The following RIMKLA variants were observed in gnomAD, a reference collection of about 807,000 sequenced individuals.
The protein encoded by RIMKLA is ribosomal modification protein rimK like family member A.
In RIMKLA, 14 loss-of-function variants were observed where a neutral mutation model predicts 32.7. That is an observed-to-expected ratio of 0.43 (90% CI 0.28 to 0.67). RIMKLA has a LOEUF of 0.67. Ranked by LOEUF, RIMKLA falls within the 30% of genes least tolerant of loss-of-function variation. The pLI is 0.18. For missense variants in RIMKLA, 410 were observed against 519.0 expected (o/e 0.79, Z 2.04); for synonymous variants, 176 against 204.1 (o/e 0.86, Z 1.18).
At chr1:42,385,844 CTCTTTCTT>C (rs1162584737) in intron 1 of RIMKLA, among the ~76,000 whole-genome samples, 4,927 of 56,842 alleles carry the variant, frequency 0.087, 624 homozygotes, top group Admixed American at 0.16. Flanking sequence ...TTCTTTCTTT[CTCTTTCTT>C]TCTTTCTTTC....
intron 4 of RIMKLA, among the ~76,000 whole-genome samples, chr1:42,411,457 TTTTTC>T (rs1190057563): frequency 3.6e-5 from 5 of 140,628 alleles, no homozygotes; most frequent in East Asian, 2.0e-4. Flanking sequence ...ATTTTCTTTT[TTTTTC>T]TTTTCTTTTC....
In RIMKLA at chr1:42,399,603, T is replaced by A; in HGVS notation, c.363T>A (p.His121Gln). ...KFWTFQELAG[H>Q]GVPMPDTFSY... is the part of the protein sequence containing the mutation. Reference sequence around the variant, plus strand: ...GGACGTTCCAAGAACTGGCTGGACATGGGGTCCCCATGCCAGACACCTTCT... The same window carrying A: ...GGACGTTCCAAGAACTGGCTGGACAAGGGGTCCCCATGCCAGACACCTTCT... The change falls in exon 2 of 5, where the codon CAT becomes CAA. Residue 121 changes from histidine to glutamine, a missense_variant. Physicochemically the swap from His to Gln is conservative, Grantham distance 24. Transcript: ENST00000431473. 4 of 1,611,250 alleles carry A rather than the reference T, an allele frequency of 2.5e-6. No individual in the cohort carries two copies. The highest frequency in any genetic ancestry group is 3.4e-6 in the Non-Finnish European group (4 of 1,178,786).
At chr1:42,386,266 A>C (rs1256288919) in intron 1 of RIMKLA, among the ~76,000 whole-genome samples, 1 of 151,590 alleles carries the variant, frequency 6.6e-6, no homozygotes, top group African/African-American at 2.4e-5. Context: ...CTACCAGAAC[A>C]CTTCCACCAA....
rs77339968 is a variant in RIMKLA, at chr1:42,423,448, T to C, written c.*8474T>C. Among the ~76,000 whole-genome samples the C allele has an allele frequency of 4.8e-3, 730 of 152,306 alleles. 7 individuals are homozygous for C. Among genetic ancestry groups the C allele is most frequent in the African/African-American group, 0.015 (605 of 41,568 alleles). On this transcript the variant is annotated 3_prime_UTR_variant, in exon 5 of 5. Coordinates refer to ENST00000431473, the MANE Select transcript of RIMKLA (RefSeq NM_173642.4). The stretch of plus-strand genomic sequence containing the variant: ...ATCTAATTCCCAGTCCGTATTCAAA[T>C]TCCCCCATTGTCTCAAAGAGAACTG...
intron 1 of RIMKLA, 124 bp from the exon 2 acceptor site, chr1:42,399,280 C>T (rs1643074406): frequency 1.5e-6 from 1 of 673,040 alleles, no homozygotes. Flanking sequence ...ACCAGGATGT[C>T]CAGGGGGCCA....
intron 1 of RIMKLA, among the ~76,000 whole-genome samples, chr1:42,390,594 G>C (rs1642992450): frequency 6.6e-6 from 1 of 152,208 alleles, no homozygotes; most frequent in South Asian, 2.1e-4. Context: ...GGGTAGATGT[G>C]ATAGTGGGAA....
intron 3 of RIMKLA, among the ~76,000 whole-genome samples, chr1:42,409,517 A>G (rs1643179529): frequency 6.6e-6 from 1 of 152,164 alleles, no homozygotes. Context: ...GAATTTCTCT[A>G]AAGTATTTTC....
chr1:42,402,591 CTT>C (rs34477169), intron 2 of RIMKLA, among the ~76,000 whole-genome samples: 26,028 of 142,572 alleles, frequency 0.18, 2,265 homozygotes, highest in East Asian at 0.23. Context: ...ACCTGGCTAA[CTT>C]TTTTTTTTTT....
At chr1:42,408,690 G>A (rs1309655987) in intron 3 of RIMKLA, among the ~76,000 whole-genome samples, 1 of 152,136 alleles carries the variant, frequency 6.6e-6, no homozygotes, top group Non-Finnish European at 1.5e-5. Flanking sequence ...CAAAGTGCTA[G>A]GATGTCAGGC....
rs1162584737 is a variant in RIMKLA at position 42,385,844 on chromosome 1, C to CTCTTTCTTTCTTTCTTTCTT, written c.163+4782_163+4801dup. On this transcript the variant is annotated intron_variant, in intron 1 of 4. Transcript: ENST00000431473. ...CCTTCCTTCCTTTCTTTCTTTCTTT[C>CTCTTTCTTTCTTTCTTTCTT]TCTTTCTTTCTTTCTTTCTTTCTTT... is the stretch of plus-strand genomic sequence containing the variant. 1.4e-3 allele frequency among the ~76,000 whole-genome samples: 78 copies of CTCTTTCTTTCTTTCTTTCTT among 57,074 alleles called. 5 individuals are homozygous for CTCTTTCTTTCTTTCTTTCTT. The highest frequency in any genetic ancestry group is 2.4e-3 in the African/African-American group (37 of 15,136). 37.4% of individuals were successfully genotyped at this position (57,074 alleles called of 152,430 possible). A position where few individuals can be genotyped will look rare whatever the true frequency, so the allele number is the denominator to read the frequency against.
At position 42,386,213 on chromosome 1, in the gene RIMKLA, G is replaced by A. The variant is rs192175402; in HGVS notation, c.163+5116G>A. ...GCTGGTATTACGGGCGTGAGCCACC[G>A]AGCCTGGCCCCTACTCCTAGATTTC... On this transcript the variant is annotated intron_variant, in intron 1 of 4. Coordinates refer to ENST00000431473, the MANE Select transcript of RIMKLA (RefSeq NM_173642.4). Among the ~76,000 whole-genome samples the A allele has an allele frequency of 2.3e-3, 349 of 151,954 alleles. 1 individual carries two copies. The highest frequency in any genetic ancestry group is 3.8e-3 in the Non-Finnish European group (257 of 67,960).
At chr1:42,413,387 T>A (rs1460450207) in intron 4 of RIMKLA, among the ~76,000 whole-genome samples, 1 of 147,762 alleles carries the variant, frequency 6.8e-6, no homozygotes, top group African/African-American at 2.5e-5. Context: ...TGTAGTCCCA[T>A]CTACTCGGCA....
chr1:42,386,879 T>TTAAA (rs1642953180), intron 1 of RIMKLA, among the ~76,000 whole-genome samples: 1 of 42,966 alleles, frequency 2.3e-5, no homozygotes, highest in Non-Finnish European at 5.0e-5. Flanking sequence ...AGACTCCATC[T>TTAAA]CAAATAAATA....
At position 42,416,929 on chromosome 1, in the gene RIMKLA, C is replaced by T. The variant is rs1643253939; in HGVS notation, c.*1955C>T. The T allele has an allele frequency of 6.6e-6, 1 of 152,120 alleles. No homozygotes were observed. Among genetic ancestry groups the T allele is most frequent in the Non-Finnish European group, 1.5e-5 (1 of 68,020 alleles). 9.4% of individuals were successfully genotyped at this position (152,120 alleles called of 1,614,324 possible). ...AAGGTGCATGCCACTGAACTGTAAC[C>T]CTAGTAATGTGTCTTGTACAGTTGA... On this transcript the variant is annotated 3_prime_UTR_variant, in exon 5 of 5. Coordinates refer to ENST00000431473, the MANE Select transcript of RIMKLA (RefSeq NM_173642.4).
intron 2 of RIMKLA, among the ~76,000 whole-genome samples, chr1:42,400,222 T>C (rs1158894359): frequency 1.4e-5 from 2 of 145,638 alleles, no homozygotes; most frequent in Admixed American, 6.8e-5. Context: ...AAGAGAGATA[T>C]AGCTAAATAT....
intron 1 of RIMKLA, among the ~76,000 whole-genome samples, chr1:42,385,085 A>G (rs12087162): frequency 0.015 from 2,281 of 152,298 alleles, 57 homozygotes; most frequent in African/African-American, 0.053. Context: ...CTATTTATAC[A>G]GTTTATATCC....
chr1:42,395,712 T>C (rs1268093565), intron 1 of RIMKLA, among the ~76,000 whole-genome samples: 1 of 152,092 alleles, frequency 6.6e-6, no homozygotes, highest in Non-Finnish European at 1.5e-5. Context: ...CTGTATTAAG[T>C]TTATTAGGTC....
intron 1 of RIMKLA, among the ~76,000 whole-genome samples, chr1:42,387,878 A>G (rs566522784): frequency 6.3e-5 from 8 of 126,326 alleles, no homozygotes; most frequent in African/African-American, 2.2e-4. Flanking sequence ...AGCAAGAAAA[A>G]AAGAAGAAAA....
In RIMKLA at chr1:42,414,944, C is replaced by T. The variant is rs888276297; in HGVS notation, c.1146C>T (p.Asn382=). Residue 382 remains asparagine, a synonymous_variant, in exon 5 of 5, where the codon AAC becomes AAT. Coordinates refer to ENST00000431473, the MANE Select transcript of RIMKLA (RefSeq NM_173642.4). The part of the protein sequence containing the change: ...MLPEPGYNIN[N]RIASELKLK Reference sequence around the variant, plus strand: ...CCGAACCTGGCTACAACATTAACAACAGGATTGCTTCTGAGTTAAAACTTA... The same window carrying T: ...CCGAACCTGGCTACAACATTAACAATAGGATTGCTTCTGAGTTAAAACTTA... The T allele has an allele frequency of 6.2e-7, 1 of 1,612,550 alleles. No individual in the cohort carries two copies. Among genetic ancestry groups the T allele is most frequent in the African/African-American group, 1.3e-5 (1 of 74,922 alleles).
Sources: allele counts gnomAD v4.1 joint callset (sites outside exome capture counted in the v4.1 genomes callset), GRCh38; gene constraint gnomAD v4.1.1; transcripts MANE v1.5; gene names NCBI Gene and HGNC (gene_info 2026-07-23, HGNC 2026-07-21).